Variants in DDR2 observed in about 807,000 individuals in gnomAD.
The protein encoded by DDR2 is discoidin domain-containing receptor 2.
A neutral mutation model predicts 94.9 loss-of-function variants in DDR2; 27 were observed. That is an observed-to-expected ratio of 0.28 (90% CI 0.21 to 0.39). DDR2 has a LOEUF of 0.39. Ranked by LOEUF, DDR2 falls within the 10% of genes least tolerant of loss-of-function variation. The pLI, the probability that DDR2 is intolerant of heterozygous loss-of-function variation, is 1.00. For synonymous variants in DDR2, 382 were observed against 377.2 expected, an observed-to-expected ratio of 1.01 and a Z score of -0.15; for missense variants, 783 against 1,076.0, an observed-to-expected ratio of 0.73 and a Z score of 3.81.
chr1:162,786,112 T>A lies in DDR2; in HGVS notation c.*5866T>A. The stretch of plus-strand genomic sequence containing the variant: ...GAGACTCAAGGGAAGCACAATGGGA[T>A]AAGGTAATCACTTTCAGTGAAAAAC... On this transcript the variant is annotated 3_prime_UTR_variant, in exon 18 of 18. Transcript: ENST00000367921. The A allele has an allele frequency of 6.6e-6, 1 of 152,180 alleles. No homozygotes were observed. Among genetic ancestry groups the A allele is most frequent in the Non-Finnish European group, 1.5e-5 (1 of 68,026 alleles). 9.4% of individuals were successfully genotyped at this position (152,180 alleles called of 1,614,324 possible).
In DDR2 at chr1:162,779,309, C is replaced by A. The variant is rs138922055; in HGVS notation, c.2433+580C>A. 2.3e-3 allele frequency among the ~76,000 whole-genome samples: 345 copies of A among 151,866 alleles called. 2 individuals carry two copies. Among genetic ancestry groups the A allele is most frequent in the African/African-American group, 8.1e-3 (336 of 41,462 alleles). On this transcript the variant is annotated intron_variant, in intron 17 of 17. Transcript: ENST00000367921. The stretch of plus-strand genomic sequence containing the variant: ...CAATTCCTAGCCAAGATACTCCAAG[C>A]TTTTTTTTGGGTGGCTTAGATTTAA...
intron 2 of DDR2, among the ~76,000 whole-genome samples, chr1:162,692,402 G>A (rs1659998485): frequency 6.6e-6 from 1 of 152,208 alleles, no homozygotes; most frequent in African/African-American, 2.4e-5. Context: ...CAGAGGAACT[G>A]TTTGGAACAC....
intron 3 of DDR2, among the ~76,000 whole-genome samples, chr1:162,722,745 C>T (rs757117037): frequency 6.6e-6 from 1 of 152,158 alleles, no homozygotes; most frequent in Non-Finnish European, 1.5e-5. Context: ...TGTTACGTGT[C>T]TCTTTATACT....
chr1:162,697,315 A>C (rs143535696), intron 2 of DDR2, among the ~76,000 whole-genome samples: 1 of 152,264 alleles, frequency 6.6e-6, no homozygotes, highest in East Asian at 1.9e-4. Flanking sequence ...TGATCTCTTC[A>C]GTGGGTCATA....
chr1:162,648,558 G>T (rs1657528556), intron 1 of DDR2, among the ~76,000 whole-genome samples: 1 of 152,182 alleles, frequency 6.6e-6, no homozygotes, highest in Admixed American at 6.5e-5. Context: ...CAGGGGATAA[G>T]AAATCAAGTC....
chr1:162,717,380 C>T (rs1661222128), intron 2 of DDR2, among the ~76,000 whole-genome samples: 1 of 152,178 alleles, frequency 6.6e-6, no homozygotes, highest in Non-Finnish European at 1.5e-5. Context: ...GAAGCTAGTA[C>T]AGGGAATCCT....
chr1:162,752,368 C>T lies in DDR2; in HGVS notation c.83-727C>T, dbSNP rs190368602. Among the ~76,000 whole-genome samples the T allele has an allele frequency of 2.6e-3, 400 of 152,318 alleles. 2 individuals carry two copies. The highest frequency in any genetic ancestry group is 4.2e-3 in the Non-Finnish European group (287 of 68,030). Reference sequence around the variant, plus strand: ...CTGGACACACTCTCATGCCAGTAAGCTGATGCCACCGTAGGGGTCAACTTT... The same window carrying T: ...CTGGACACACTCTCATGCCAGTAAGTTGATGCCACCGTAGGGGTCAACTTT... On this transcript the variant is annotated intron_variant, in intron 3 of 17. Transcript: ENST00000367921.
chr1:162,699,954 T>C (rs1444178517), intron 2 of DDR2, among the ~76,000 whole-genome samples: 2 of 152,242 alleles, frequency 1.3e-5, no homozygotes, highest in Non-Finnish European at 2.9e-5. Flanking sequence ...AGTTGATATG[T>C]AGCTCAATTT....
At chr1:162,760,870 G>A (rs568718727) in intron 8 of DDR2, among the ~76,000 whole-genome samples, 6 of 151,524 alleles carry the variant, frequency 4.0e-5, no homozygotes, top group South Asian at 2.1e-4. Context: ...CCTCTCAGCC[G>A]CAGTTGCCGT....
chr1:162,725,240 A>G (rs1162389228), intron 3 of DDR2, among the ~76,000 whole-genome samples: 1 of 152,218 alleles, frequency 6.6e-6, no homozygotes, highest in African/African-American at 2.4e-5. Context: ...GGTAACTCAT[A>G]GCAGGTTACA....
At chr1:162,747,526 G>A (rs1373850732) in intron 3 of DDR2, among the ~76,000 whole-genome samples, 3 of 151,664 alleles carry the variant, frequency 2.0e-5, no homozygotes, top group Admixed American at 6.5e-5. Flanking sequence ...ACATCTGACT[G>A]GTGTACCTGA....
chr1:162,638,870 A>T (rs1437837390), intron 1 of DDR2, among the ~76,000 whole-genome samples: 1 of 152,230 alleles, frequency 6.6e-6, no homozygotes, highest in East Asian at 1.9e-4. Context: ...ACGCTAAAAT[A>T]GTATCAATGG....
intron 1 of DDR2, among the ~76,000 whole-genome samples, chr1:162,634,542 G>A (rs1177809217): frequency 6.6e-6 from 1 of 152,202 alleles, no homozygotes; most frequent in East Asian, 1.9e-4. Context: ...GCTGGCAGGA[G>A]GGCAGATGGA....
intron 4 of DDR2, among the ~76,000 whole-genome samples, chr1:162,753,540 G>C (rs1437453925): frequency 6.6e-6 from 1 of 152,142 alleles, no homozygotes; most frequent in African/African-American, 2.4e-5. Context: ...CCTATGGGAA[G>C]GTGCAGATTA....
chr1:162,674,227 G>A (rs969748248), intron 2 of DDR2, among the ~76,000 whole-genome samples: 3 of 151,986 alleles, frequency 2.0e-5, no homozygotes, highest in African/African-American at 7.3e-5. Context: ...TTATTCTTTC[G>A]ACATATGAGC....
intron 2 of DDR2, among the ~76,000 whole-genome samples, chr1:162,656,009 G>T (rs1657941395): frequency 1.3e-5 from 2 of 152,206 alleles, no homozygotes; most frequent in Non-Finnish European, 2.9e-5. Flanking sequence ...ATGCTATATT[G>T]CAGAACTTTT....
chr1:162,666,085 G>A (rs12044481), intron 2 of DDR2, among the ~76,000 whole-genome samples: 23,989 of 152,016 alleles, frequency 0.16, 2,313 homozygotes, highest in Middle Eastern at 0.31. Flanking sequence ...GTACCAAAAC[G>A]CCAAGAGCAT....
intron 2 of DDR2, among the ~76,000 whole-genome samples, chr1:162,675,843 C>T (rs569677657): frequency 6.6e-6 from 1 of 152,196 alleles, no homozygotes; most frequent in African/African-American, 2.4e-5. Flanking sequence ...TGAGCACAGA[C>T]AGGAAGGGTA....
chr1:162,741,278 A>AATGTAATGTAATG (rs1558057690), intron 3 of DDR2, among the ~76,000 whole-genome samples: 38 of 126,970 alleles, frequency 3.0e-4, no homozygotes, highest in African/African-American at 1.0e-3. Context: ...ATAATATAAT[A>AATGTAATGTAATG]TAATATAATA....
Sources: allele counts gnomAD v4.1 joint callset (sites outside exome capture counted in the v4.1 genomes callset), GRCh38; gene constraint gnomAD v4.1.1; transcripts MANE v1.5; gene names NCBI Gene and HGNC (gene_info 2026-07-23, HGNC 2026-07-21).